The following FASTKD1 variants were observed in gnomAD, a reference collection of about 807,000 sequenced individuals.
The protein encoded by FASTKD1 is FAST kinase domain-containing protein 1, mitochondrial.
In FASTKD1, 94 loss-of-function variants were observed where a neutral mutation model predicts 90.9. The ratio of observed to expected loss-of-function variants is 1.03; its 90% CI spans 0.88 to 1.23. The LOEUF is 1.23. FASTKD1 is among the 50% of genes most tolerant of loss of function. FASTKD1 has a pLI of 0.00. For missense variants in FASTKD1, 945 were observed against 993.5 expected, an observed-to-expected ratio of 0.95 and a Z score of 0.66; for synonymous variants, 319 against 345.8, an observed-to-expected ratio of 0.92 and a Z score of 0.86.
chr2:169,572,335 G>A (rs577566674), intron 1 of FASTKD1, among the ~76,000 whole-genome samples, 164 bp from the exon 2 acceptor site: 2 of 151,872 alleles, frequency 1.3e-5, no homozygotes, highest in African/African-American at 2.4e-5. Flanking sequence ...CCAGAAAAAG[G>A]GGCTTCTTTC....
At chr2:169,557,516 T>A (rs1163390893) in intron 5 of FASTKD1, among the ~76,000 whole-genome samples, 1 of 152,206 alleles carries the variant, frequency 6.6e-6, no homozygotes. Flanking sequence ...GGCCTCATTA[T>A]AATCCAATCT....
rs566796953 is a variant in FASTKD1 at position 169,531,503 on chromosome 2, T to C, written c.2189-13A>G. 38 of 1,586,556 alleles carry C rather than the reference T, an allele frequency of 2.4e-5. No homozygotes were observed. The highest frequency in any genetic ancestry group is 2.3e-4 in the Middle Eastern group (1 of 4,338). On this transcript the variant is annotated splice_polypyrimidine_tract_variant and intron_variant, in intron 12 of 14. Coordinates refer to ENST00000453153, the MANE Select transcript of FASTKD1 (RefSeq NM_024622.6). Reference sequence around the variant, plus strand: ...ATACACTCAAAATCTTAAGGAAGCATAGAAACTGGTAGTATGAATTAGGTA... The same window carrying C: ...ATACACTCAAAATCTTAAGGAAGCACAGAAACTGGTAGTATGAATTAGGTA...
intron 3 of FASTKD1, among the ~76,000 whole-genome samples, chr2:169,566,391 G>A (rs761804432): frequency 6.6e-6 from 1 of 152,108 alleles, no homozygotes; most frequent in Non-Finnish European, 1.5e-5. Flanking sequence ...ATGGGAATTC[G>A]TTGTACTACT....
chr2:169,568,423 C>T (rs780269809), intron 3 of FASTKD1, among the ~76,000 whole-genome samples: 1 of 151,794 alleles, frequency 6.6e-6, no homozygotes, highest in African/African-American at 2.4e-5. Flanking sequence ...TATATTTCAA[C>T]TAATTACATG....
At chr2:169,571,430 G>T (rs1684224597) in intron 2 of FASTKD1, among the ~76,000 whole-genome samples, 1 of 151,404 alleles carries the variant, frequency 6.6e-6, no homozygotes, top group South Asian at 2.1e-4. Flanking sequence ...CGGGCGTGGT[G>T]GCAGGCGCCT....
At chr2:169,554,092 G>A (rs1376669270) in intron 7 of FASTKD1, among the ~76,000 whole-genome samples, 1 of 146,750 alleles carries the variant, frequency 6.8e-6, no homozygotes, top group Non-Finnish European at 1.5e-5. Flanking sequence ...GCAACAAAGT[G>A]AGACCCCCAT....
intron 5 of FASTKD1, among the ~76,000 whole-genome samples, chr2:169,558,744 C>T (rs530378639): frequency 6.6e-6 from 1 of 152,082 alleles, no homozygotes; most frequent in Non-Finnish European, 1.5e-5. Context: ...AGCCACCACA[C>T]CCGGCCCTTT....
chr2:169,530,557 T>C, intron 14 of FASTKD1, 30 bp downstream of exon 14: 1 of 1,324,430 alleles, frequency 7.6e-7, no homozygotes, highest in Non-Finnish European at 1.1e-6. Flanking sequence ...CTGGGCTTTT[T>C]AGAGGCTGAA....
intron 9 of FASTKD1, 111 bp downstream of exon 9, chr2:169,544,610 A>G (rs1670657842): frequency 3.0e-6 from 2 of 672,750 alleles, no homozygotes; most frequent in African/African-American, 1.9e-5. Flanking sequence ...TTTTAGGTAG[A>G]TAATTCATGT....
At position 169,544,746 on chromosome 2, in the gene FASTKD1, G is replaced by C. The variant is rs138073323; in HGVS notation, c.1791C>G (p.Cys597Trp). 3.7e-6 allele frequency: 6 copies of C among 1,604,146 alleles called. No individual in the cohort carries two copies. The highest frequency in any genetic ancestry group is 2.2e-5 in the East Asian group (1 of 44,788). ...PPQRDEFLGT[C>W]VQHLNSYLGI... ...CTAAGTAAGAATTAAGATGTTGCAC[G>C]CAAGTTCCCAAAAATTCATCCCTTT... Residue 597 changes from cysteine (C) to tryptophan (W), a missense_variant, in exon 9 of 15, where the codon TGC becomes TGG. Physicochemically the swap from Cys to Trp is radical, Grantham distance 215. Transcript: ENST00000453153.
At position 169,560,664 on chromosome 2, in the gene FASTKD1, T is replaced by C. The variant is rs1324430254; in HGVS notation, c.694A>G (p.Lys232Glu). Residue 232 changes from lysine (K) to glutamate (E), a missense_variant, in exon 5 of 15, where the codon AAA (lysine) becomes GAA (glutamate). By Grantham distance (56) the Lys-to-Glu change is moderately conservative (BLOSUM62 1). Coordinates refer to ENST00000453153, the MANE Select transcript of FASTKD1 (RefSeq NM_024622.6). ...TIDSSEVNVA[K>E]SIAKFLRNVR... The stretch of plus-strand genomic sequence containing the variant: ...TTTCGAAGAAACTTTGCTATGCTTT[T>C]TGCAACGTTGACCTCAGAAGAATCT... 6.2e-7 allele frequency: 1 copy of C among 1,613,174 alleles called. No homozygotes were observed. Among genetic ancestry groups the C allele is most frequent in the Non-Finnish European group, 8.5e-7 (1 of 1,179,804 alleles).
chr2:169,558,830 C>T (rs532591018), intron 5 of FASTKD1, among the ~76,000 whole-genome samples: 1 of 151,962 alleles, frequency 6.6e-6, no homozygotes, highest in African/African-American at 2.4e-5. Flanking sequence ...TTCAAGTGAT[C>T]TGCCAGCATT....
intron 5 of FASTKD1, among the ~76,000 whole-genome samples, chr2:169,560,004 C>G (rs1683506140): frequency 6.6e-6 from 1 of 152,060 alleles, no homozygotes. Flanking sequence ...ATGAAGACAG[C>G]AAAGCATAAA....
At position 169,529,912 on chromosome 2, in the gene FASTKD1, T is replaced by C. The variant is rs1369839091; in HGVS notation, c.2457A>G (p.Glu819=). 6.2e-7 allele frequency: 1 copy of C among 1,609,418 alleles called. No individual in the cohort carries two copies. Among genetic ancestry groups the C allele is most frequent in the Non-Finnish European group, 8.5e-7 (1 of 1,177,914 alleles). The change falls in exon 15 of 15, where the codon GAA becomes GAG. Residue 819 remains glutamate (E), a synonymous_variant. Transcript: ENST00000453153. ...GYRVIQISQF[E]WNSMALSTKD... ...TTGTTGACAGTGCCATAGAGTTCCA[T>C]TCAAACTGGGAAATCTGAAAATAAG... is the stretch of plus-strand genomic sequence containing the variant.
At chr2:169,543,839 G>A (rs1685067746) in intron 9 of FASTKD1, among the ~76,000 whole-genome samples, 1 of 150,802 alleles carries the variant, frequency 6.6e-6, no homozygotes, top group Non-Finnish European at 1.5e-5. Flanking sequence ...TCAATGCCAA[G>A]AAAAGAAAAA....
Position 169,540,330 on chromosome 2 carries a change from G to T in FASTKD1, c.1817-151C>A, listed in dbSNP as rs75630391. On this transcript the variant is annotated intron_variant, in intron 9 of 14. Coordinates refer to ENST00000453153, the MANE Select transcript of FASTKD1 (RefSeq NM_024622.6). Reference sequence around the variant, plus strand: ...TGTTACAAGACAGGATAATGGTTAAGTGGTTACCTTTGGGTGTGAGCCAAG... The same window carrying T: ...TGTTACAAGACAGGATAATGGTTAATTGGTTACCTTTGGGTGTGAGCCAAG... 3,639 of 803,598 alleles carry T rather than the reference G, an allele frequency of 4.5e-3. 17 individuals carry two copies. The highest frequency in any genetic ancestry group is 6.0e-3 in the Admixed American group (170 of 28,446). The allele number at this position is 803,598 out of a possible 1,614,324, so 49.8% of individuals were successfully genotyped here. A position where few individuals can be genotyped will look rare whatever the true frequency, so the allele number is the denominator to read the frequency against.
chr2:169,573,182 T>A (rs1027313965), intron 1 of FASTKD1: 2 of 152,154 alleles, frequency 1.3e-5, no homozygotes, highest in Non-Finnish European at 2.9e-5. Flanking sequence ...TCTACGGCTA[T>A]GCCAAACAGT....
At chr2:169,550,852 C>CA (rs1460138656) in intron 7 of FASTKD1, among the ~76,000 whole-genome samples, 5 of 152,188 alleles carry the variant, frequency 3.3e-5, no homozygotes, top group Non-Finnish European at 5.9e-5. Context: ...CTTATAACCA[C>CA]AAAAAATTAA....
At chr2:169,535,437 G>A (rs1251082637) in intron 12 of FASTKD1, among the ~76,000 whole-genome samples, 1 of 139,848 alleles carries the variant, frequency 7.2e-6, no homozygotes, top group African/African-American at 2.7e-5. Context: ...CACCATGCCT[G>A]CTATTTATTT....
Sources: allele counts gnomAD v4.1 joint callset (sites outside exome capture counted in the v4.1 genomes callset), GRCh38; gene constraint gnomAD v4.1.1; transcripts MANE v1.5; gene names NCBI Gene and HGNC (gene_info 2026-07-23, HGNC 2026-07-21).